The following AMOTL1 variants were observed in gnomAD, a reference collection of about 807,000 sequenced individuals.
The protein encoded by AMOTL1 is angiomotin like 1.
In AMOTL1, 45 loss-of-function variants were observed where a neutral mutation model predicts 102.9. That is an observed-to-expected ratio of 0.44 (90% confidence interval 0.34 to 0.56). The LOEUF (loss-of-function observed/expected upper bound fraction) is 0.56. Among genes scored for constraint, AMOTL1 ranks in the 20% least tolerant of loss-of-function variants. The pLI is 0.01. For missense variants in AMOTL1, 1,114 were observed against 1,225.6 expected (o/e 0.91, Z 1.36); for synonymous variants, 481 against 484.7 (o/e 0.99, Z 0.10).
At chr11:94,729,151 T>C in intron 2 of AMOTL1, 1 of 910,498 alleles carries the variant, frequency 1.1e-6, no homozygotes, top group Non-Finnish European at 1.5e-6. Context: ...CCCACGCTGT[T>C]TGTCTTTTCA....
chr11:94,864,814 G>T lies in AMOTL1; in HGVS notation c.2215G>T (p.Glu739Ter). The change falls in exon 10 of 13, where the codon GAG (glutamate) becomes TAG (stop). Residue 739 changes from glutamate to a stop codon, truncating the protein, a stop_gained. Coordinates refer to ENST00000433060, the MANE Select transcript of AMOTL1 (RefSeq NM_130847.3). LOFTEE classifies it high-confidence loss of function. ...SLEAHIWQEE[E>*]EVVQANRRCQ... ...GGAGGCCCACATCTGGCAAGAGGAG[G>T]AGGAGGTGGTGCAGGCCAACAGAAG... is the stretch of plus-strand genomic sequence containing the variant. 6.2e-7 allele frequency: 1 copy of T among 1,613,946 alleles called. No individual in the cohort carries two copies. The highest frequency in any genetic ancestry group is 8.5e-7 in the Non-Finnish European group (1 of 1,179,836).
At chr11:94,819,497 C>T (rs1951825821) in intron 3 of AMOTL1, among the ~76,000 whole-genome samples, 1 of 152,298 alleles carries the variant, frequency 6.6e-6, no homozygotes, top group East Asian at 1.9e-4. Flanking sequence ...ACCCTCCTCT[C>T]ACACGTAAAT....
intron 1 of AMOTL1, among the ~76,000 whole-genome samples, chr11:94,778,954 G>A (rs1027748049): frequency 6.6e-6 from 1 of 152,158 alleles, no homozygotes; most frequent in Admixed American, 6.5e-5. Context: ...AAATTGGATG[G>A]AAACTGCATT....
intron 8 of AMOTL1, among the ~76,000 whole-genome samples, chr11:94,858,838 T>G (rs1019723309): frequency 3.3e-5 from 5 of 152,208 alleles, no homozygotes; most frequent in African/African-American, 1.2e-4. Flanking sequence ...ATGAACATCC[T>G]CAGTTTGTGA....
chr11:94,779,753 A>C (rs1951080736), intron 1 of AMOTL1, among the ~76,000 whole-genome samples: 2 of 152,178 alleles, frequency 1.3e-5, no homozygotes, highest in African/African-American at 4.8e-5. Context: ...AATTATTGTA[A>C]ATCCATTTTG....
At chr11:94,797,378 A>G (rs143156789) in intron 2 of AMOTL1, among the ~76,000 whole-genome samples, 2 of 152,230 alleles carry the variant, frequency 1.3e-5, no homozygotes, top group Non-Finnish European at 2.9e-5. Context: ...TTTTTATTTC[A>G]TGGAGCTCAT....
intron 3 of AMOTL1, among the ~76,000 whole-genome samples, chr11:94,753,307 T>A (rs2015017): frequency 1.0e-5 from 1 of 98,390 alleles, no homozygotes; most frequent in African/African-American, 7.0e-5. Flanking sequence ...GCTTTCCTGC[T>A]TTTTTTTTTT....
In AMOTL1 at chr11:94,873,347, A is replaced by G. The variant is rs1347316441; in HGVS notation, c.*2552A>G. 6.6e-6 allele frequency: 1 copy of G among 152,128 alleles called. No individual in the cohort carries two copies. The highest frequency in any genetic ancestry group is 1.5e-5 in the Non-Finnish European group (1 of 68,024). The allele number at this position is 152,128 out of a possible 1,614,324, so 9.4% of individuals were successfully genotyped here. On this transcript the variant is annotated 3_prime_UTR_variant, in exon 13 of 13. Coordinates refer to ENST00000433060, the MANE Select transcript of AMOTL1 (RefSeq NM_130847.3). ...CTTTAAAATGTCTTCTTCTATGGGAAATTTCCTGCCAAGCCAGGGCACTAA... is the reference window on the plus strand; with the variant it reads ...CTTTAAAATGTCTTCTTCTATGGGAGATTTCCTGCCAAGCCAGGGCACTAA...
intron 3 of AMOTL1, among the ~76,000 whole-genome samples, chr11:94,802,819 C>T (rs772722514): frequency 6.6e-6 from 1 of 152,232 alleles, no homozygotes; most frequent in Non-Finnish European, 1.5e-5. Flanking sequence ...ACACATTTAA[C>T]GTGGCCTGAA....
At chr11:94,801,478 G>T (rs1280299276) in intron 3 of AMOTL1, among the ~76,000 whole-genome samples, 3 of 152,186 alleles carry the variant, frequency 2.0e-5, no homozygotes, top group Non-Finnish European at 2.9e-5. Context: ...GGGAAAAGCG[G>T]TGTTCTTAGG....
rs1952074804 is a variant in AMOTL1 at position 94,831,665 on chromosome 11, C to T, written c.1648+124C>T. 4 of 809,916 alleles carry T rather than the reference C, an allele frequency of 4.9e-6. No homozygotes were observed. The South Asian group carries it at 5.2e-5, about 11-fold the overall frequency. The allele number at this position is 809,916 out of a possible 1,614,324, so 50.2% of individuals were successfully genotyped here. A position where few individuals can be genotyped will look rare whatever the true frequency, so the allele number is the denominator to read the frequency against. On this transcript the variant is annotated intron_variant, in intron 6 of 12. Transcript: ENST00000433060. The stretch of plus-strand genomic sequence containing the variant: ...GCTTTTTGTTTGTTAATTTAGCATA[C>T]AACCTATTGATCTCAGATGAGGCCC...
intron 1 of AMOTL1, among the ~76,000 whole-genome samples, chr11:94,778,844 G>A (rs771480369): frequency 2.6e-5 from 4 of 152,148 alleles, no homozygotes; most frequent in Non-Finnish European, 4.4e-5. Context: ...AGACCAGAGT[G>A]TCAACAAGTT....
At chr11:94,743,999 T>A (rs1417605915) in intron 3 of AMOTL1, among the ~76,000 whole-genome samples, 2 of 152,120 alleles carry the variant, frequency 1.3e-5, no homozygotes, top group African/African-American at 4.8e-5. Flanking sequence ...ATGTGTGGGT[T>A]TTCCACACCA....
At chr11:94,726,515 TCCCATTCACCCAC>T (rs1350791090) in intron 1 of AMOTL1, among the ~76,000 whole-genome samples, 1 of 152,186 alleles carries the variant, frequency 6.6e-6, no homozygotes, top group Admixed American at 6.5e-5. Flanking sequence ...TGATGGTCTT[TCCCATTCACCCAC>T]CCCAACTTAT....
At chr11:94,714,267 C>T (rs1168375643) in intron 1 of AMOTL1, among the ~76,000 whole-genome samples, 1 of 151,984 alleles carries the variant, frequency 6.6e-6, no homozygotes, top group Non-Finnish European at 1.5e-5. Flanking sequence ...CTTTTTTATA[C>T]ATTGCTGGAT....
At chr11:94,834,552 A>C (rs1221118589) in intron 6 of AMOTL1, among the ~76,000 whole-genome samples, 1 of 152,116 alleles carries the variant, frequency 6.6e-6, no homozygotes, top group Non-Finnish European at 1.5e-5. Context: ...AGATCGCGCC[A>C]CTGCACTCCA....
At chr11:94,707,214 G>GTCTCTCTC (rs56290112) in intron 1 of AMOTL1, among the ~76,000 whole-genome samples, 6 of 132,336 alleles carry the variant, frequency 4.5e-5, no homozygotes, top group African/African-American at 1.9e-4. Context: ...TATACATGAG[G>GTCTCTCTC]TCTCTCTCTC....
chr11:94,768,164 T>C (rs948530066), upstream of AMOTL1, among the ~76,000 whole-genome samples: 5 of 152,150 alleles, frequency 3.3e-5, no homozygotes, highest in Non-Finnish European at 7.4e-5. Context: ...GGGAGACACG[T>C]CAGCTTGAGC....
chr11:94,853,853 A>T (rs1259878323), intron 7 of AMOTL1, 80 bp from the exon 8 acceptor site: 61 of 1,516,974 alleles, frequency 4.0e-5, no homozygotes, highest in Non-Finnish European at 5.3e-5. Flanking sequence ...TCTCCAGGTA[A>T]TCTGACCCCA....
Sources: allele counts gnomAD v4.1 joint callset (sites outside exome capture counted in the v4.1 genomes callset), GRCh38; gene constraint gnomAD v4.1.1; transcripts MANE v1.5; gene names NCBI Gene and HGNC (gene_info 2026-07-23, HGNC 2026-07-21).